HAS2: variants seen among roughly 807,000 people sequenced by gnomAD.
HAS2 encodes HA synthase 2.
HAS2 carries 16 observed loss-of-function variants against 51.6 expected under a neutral mutation model. The ratio of observed to expected loss-of-function variants is 0.31; its 90% CI spans 0.21 to 0.47. The LOEUF is 0.47. Among genes scored for constraint, HAS2 ranks in the 20% least tolerant of loss-of-function variants. The probability of loss-of-function intolerance (pLI) is 1.00; values close to 1 mark genes in which losing one functional copy is unlikely to be tolerated. For synonymous variants in HAS2, 228 were observed against 235.5 expected (o/e 0.97, Z 0.29); for missense variants, 361 against 662.6 (o/e 0.54, Z 5.00).
rs764651331 is a variant in HAS2, at chr8:121,614,547, G to A, written c.1221C>T (p.Leu407=). 6.2e-7 allele frequency: 1 copy of A among 1,614,146 alleles called. No homozygotes were observed. The highest frequency in any genetic ancestry group is 8.5e-7 in the Non-Finnish European group (1 of 1,179,994). The part of the protein sequence containing the change: ...LFYRGKIWNI[L]LFLLTVQLVG... ...CTAGCTGGACAGTTAACAAGAAGAG[G>A]AGAATGTTCCAAATTTTACCCCGGT... Residue 407 remains leucine, a synonymous_variant, in exon 4 of 4, where the codon CTC becomes CTT. Transcript: ENST00000303924. This position sits in a 1 kb window ranked among gnomAD's most constrained non-coding sequence, Gnocchi z 7.2.
At chr8:121,615,381 G>C (rs1812685781) in intron 3 of HAS2, among the ~76,000 whole-genome samples, 1 of 152,150 alleles carries the variant, frequency 6.6e-6, no homozygotes, top group Non-Finnish European at 1.5e-5. Context: ...CTGTCACCCA[G>C]ACTGGAGTGC....
At position 121,628,621 on chromosome 8, in the gene HAS2, G is replaced by A. The variant is rs570646398; in HGVS notation, c.627+93C>T. On this transcript the variant is annotated intron_variant, in intron 2 of 3. Coordinates refer to ENST00000303924, the MANE Select transcript of HAS2 (RefSeq NM_005328.3). The stretch of plus-strand genomic sequence containing the variant: ...ACTGAAAGAAGTACTGTGTTCAGAA[G>A]GGACAAGGATGGGCTATAGCATATG... The A allele has an allele frequency of 8.3e-5, 92 of 1,108,916 alleles. 1 individual carries two copies. In the East Asian group the frequency reaches 2.2e-3, roughly 26 times the overall value. The allele number at this position is 1,108,916 out of a possible 1,614,324, so 68.7% of individuals were successfully genotyped here.
At chr8:121,631,144 G>A (rs1336018424) in intron 1 of HAS2, among the ~76,000 whole-genome samples, 2 of 152,160 alleles carry the variant, frequency 1.3e-5, no homozygotes, top group African/African-American at 4.8e-5. Flanking sequence ...AAAGCCCCAA[G>A]ATAGATGGAG....
chr8:121,613,207 C>A lies in HAS2; in HGVS notation c.*902G>T, dbSNP rs1812660353. The A allele has an allele frequency of 6.6e-6, 1 of 151,668 alleles. No homozygotes were observed. Among genetic ancestry groups the A allele is most frequent in the African/African-American group, 2.4e-5 (1 of 41,314 alleles). The allele number at this position is 151,668 out of a possible 1,614,324, so 9.4% of individuals were successfully genotyped here. The stretch of plus-strand genomic sequence containing the variant: ...GACTATCATTCCCTTTTTTTTAAAT[C>A]TTAATGAAAAAATTGCACTACCTTT... On this transcript the variant is annotated 3_prime_UTR_variant, in exon 4 of 4. Transcript: ENST00000303924.
intron 1 of HAS2, among the ~76,000 whole-genome samples, chr8:121,637,917 C>CCT (rs1358622239): frequency 6.6e-6 from 1 of 152,148 alleles, no homozygotes; most frequent in African/African-American, 2.4e-5. Flanking sequence ...TATGCTCTGT[C>CCT]CTCTCATTAC....
chr8:121,618,609 T>A (rs1044501363), intron 2 of HAS2, among the ~76,000 whole-genome samples: 2 of 152,130 alleles, frequency 1.3e-5, no homozygotes, highest in Non-Finnish European at 2.9e-5. Context: ...CATCTCCCTA[T>A]CCCTCCAACA....
chr8:121,614,846 G>A lies in HAS2; in HGVS notation c.922C>T (p.Gln308Ter). The A allele has an allele frequency of 6.2e-7, 1 of 1,614,104 alleles. No homozygotes were observed. The highest frequency in any genetic ancestry group is 8.5e-7 in the Non-Finnish European group (1 of 1,180,000). ...TGCCTGTCATCACCAAAGCTACATT[G>A]GTTGCCCATAAATTCTTGATTGTAC... ...DWYNQEFMGNQCSFGDDRHLT... is the reference protein window; with the variant it reads ...DWYNQEFMGN Residue 308 changes from glutamine to a stop codon, truncating the protein, a stop_gained, in exon 4 of 4, where the codon CAA becomes TAA. Transcript: ENST00000303924. LOFTEE classifies it high-confidence loss of function. The surrounding 1 kb of genome is among the most constrained non-coding windows in gnomAD (Gnocchi z 7.2).
At chr8:121,618,427 G>A (rs1220652894) in intron 2 of HAS2, among the ~76,000 whole-genome samples, 1 of 151,976 alleles carries the variant, frequency 6.6e-6, no homozygotes, top group Non-Finnish European at 1.5e-5. Flanking sequence ...AGAAAGAGCT[G>A]GGCTTCCCCT....
chr8:121,626,868 T>G (rs1028186715), intron 2 of HAS2, among the ~76,000 whole-genome samples: 5 of 152,212 alleles, frequency 3.3e-5, no homozygotes, highest in Non-Finnish European at 5.9e-5. Flanking sequence ...AGTTAAAAGC[T>G]GCTGGTCGGG....
intron 1 of HAS2, among the ~76,000 whole-genome samples, chr8:121,637,259 T>G (rs1183960286): frequency 6.6e-6 from 1 of 152,218 alleles, no homozygotes. Flanking sequence ...ATAAATTTAC[T>G]TAATTTAAAT....
At chr8:121,631,783 G>A (rs1055782620) in intron 1 of HAS2, among the ~76,000 whole-genome samples, 3 of 152,222 alleles carry the variant, frequency 2.0e-5, no homozygotes, top group East Asian at 1.9e-4. Flanking sequence ...TTTCCAAGAC[G>A]TGAGTCATTC....
chr8:121,637,684 G>A (rs1287841626), intron 1 of HAS2, among the ~76,000 whole-genome samples: 1 of 152,164 alleles, frequency 6.6e-6, no homozygotes, highest in African/African-American at 2.4e-5. Context: ...AGCAAAATAT[G>A]CTTAAATAAT....
intron 1 of HAS2, among the ~76,000 whole-genome samples, chr8:121,631,784 T>A (rs1371680656): frequency 6.6e-6 from 1 of 152,244 alleles, no homozygotes; most frequent in Non-Finnish European, 1.5e-5. Context: ...TTCCAAGACG[T>A]GAGTCATTCT....
intron 3 of HAS2, among the ~76,000 whole-genome samples, chr8:121,616,851 A>C (rs936091933): frequency 6.6e-6 from 1 of 152,226 alleles, no homozygotes; most frequent in Non-Finnish European, 1.5e-5. Flanking sequence ...TAAGTTGCAT[A>C]TAACTTATCA....
chr8:121,623,769 A>T (rs1812806988), intron 2 of HAS2, among the ~76,000 whole-genome samples: 1 of 152,192 alleles, frequency 6.6e-6, no homozygotes, highest in African/African-American at 2.4e-5. Flanking sequence ...AGATTTCCTC[A>T]TTCTTATTTC....
intron 2 of HAS2, among the ~76,000 whole-genome samples, chr8:121,618,529 T>C (rs543415956): frequency 9.9e-5 from 15 of 152,266 alleles, no homozygotes; most frequent in African/African-American, 3.6e-4. Context: ...GGGTTATACC[T>C]GCCAATGGAG....
intron 2 of HAS2, among the ~76,000 whole-genome samples, chr8:121,620,260 T>C (rs1343472267): frequency 6.6e-6 from 1 of 152,188 alleles, no homozygotes. Flanking sequence ...ATTTACTCAG[T>C]AGGGTGTAAA....
chr8:121,617,073 A>T (rs977428657), intron 3 of HAS2, 32 bp downstream of exon 3: 2 of 1,226,738 alleles, frequency 1.6e-6, no homozygotes, highest in South Asian at 2.5e-5. Flanking sequence ...TATTTCATGC[A>T]AAACAAACAA....
chr8:121,636,645 G>C (rs919125215), intron 1 of HAS2, among the ~76,000 whole-genome samples: 1 of 151,984 alleles, frequency 6.6e-6, no homozygotes, highest in African/African-American at 2.4e-5. Context: ...TGCTCTACTG[G>C]TTCCTGAACT....
Sources: allele counts gnomAD v4.1 joint callset (sites outside exome capture counted in the v4.1 genomes callset), GRCh38; gene constraint gnomAD v4.1.1; non-coding constraint Gnocchi (gnomAD v3.1); transcripts MANE v1.5; gene names NCBI Gene and HGNC (gene_info 2026-07-23, HGNC 2026-07-21).